Variants in LTF observed in about 807,000 individuals in gnomAD.
LTF encodes lactotransferrin.
LTF carries 91 observed loss-of-function variants against 87.2 expected under a neutral mutation model. That is an observed-to-expected ratio of 1.04 (90% confidence interval 0.88 to 1.24). LTF has a LOEUF of 1.24. Ranked by LOEUF, LTF falls within the 50% of genes most tolerant of loss-of-function variation. LTF has a pLI of 0.00. For missense variants in LTF, 901 were observed against 904.3 expected, an observed-to-expected ratio of 1.00 and a Z score of 0.05; for synonymous variants, 378 against 356.1, an observed-to-expected ratio of 1.06 and a Z score of -0.69.
intron 9 of LTF, 121 bp from the exon 10 acceptor site, chr3:46,447,519 G>T: frequency 1.3e-6 from 1 of 743,644 alleles, no homozygotes; most frequent in Non-Finnish European, 2.4e-6. Context: ...AGAAAGAGAT[G>T]GACTATTCAA....
At chr3:46,440,681 G>A (rs1202113965) in intron 14 of LTF, among the ~76,000 whole-genome samples, 5 of 152,242 alleles carry the variant, frequency 3.3e-5, no homozygotes, top group African/African-American at 1.2e-4. Flanking sequence ...AGGAGCAGAA[G>A]CAGAAGGGAG....
chr3:46,468,349 A>C (rs1703242087), upstream of LTF: 1 of 456,494 alleles, frequency 2.2e-6, no homozygotes, highest in Non-Finnish European at 4.4e-6. Context: ...AGGTTTCCAA[A>C]TGCTGAGACA....
intron 1 of LTF, among the ~76,000 whole-genome samples, chr3:46,472,488 T>TGTGTGTG (rs1703304601): frequency 1.9e-5 from 2 of 106,890 alleles, no homozygotes; most frequent in Non-Finnish European, 3.7e-5. Flanking sequence ...GAAAAGATTA[T>TGTGTGTG]TGTGTGTGTG....
intron 6 of LTF, among the ~76,000 whole-genome samples, chr3:46,451,009 G>C (rs1278349542): frequency 6.6e-6 from 1 of 152,184 alleles, no homozygotes; most frequent in Non-Finnish European, 1.5e-5. Context: ...GCAGAGACAA[G>C]CTCAGGGGGC....
upstream of LTF, among the ~76,000 whole-genome samples, chr3:46,466,169 G>C (rs1256536484): frequency 1.3e-5 from 2 of 152,032 alleles, no homozygotes; most frequent in Non-Finnish European, 1.5e-5. Flanking sequence ...GAGCCTGGGA[G>C]ATGAAGGTGG....
At chr3:46,453,572 G>C (rs1047732224) in intron 6 of LTF, among the ~76,000 whole-genome samples, 2 of 152,216 alleles carry the variant, frequency 1.3e-5, no homozygotes, top group Admixed American at 1.3e-4. Context: ...AGTGAATGTG[G>C]GTGTCTGTCA....
chr3:46,464,748 A>G, intron 1 of LTF, 77 bp downstream of exon 1: 1 of 1,539,932 alleles, frequency 6.5e-7, no homozygotes, highest in Non-Finnish European at 8.9e-7. Flanking sequence ...AACCGGACAC[A>G]GGGACCAAAG....
chr3:46,454,090 G>T, intron 6 of LTF: 1 of 570,918 alleles, frequency 1.8e-6, no homozygotes, highest in Non-Finnish European at 3.2e-6. Context: ...CTAGGCATGG[G>T]TGTCTATGAG....
At position 46,447,479 on chromosome 3, in the gene LTF, G is replaced by A. The variant is rs549593609; in HGVS notation, c.1213-81C>T. The A allele has an allele frequency of 9.9e-5, 98 of 991,614 alleles. No homozygotes were observed. The African/African-American group carries it at 1.3e-3, about 14-fold the overall frequency. 61.4% of individuals were successfully genotyped at this position (991,614 alleles called of 1,614,324 possible). ...TGTCTATATAGCTCTCTGAGAGAAT[G>A]GTTTTCTGTCAGGTGACCAGTGAAA... On this transcript the variant is annotated intron_variant, in intron 9 of 16. Coordinates refer to ENST00000231751, the MANE Select transcript of LTF (RefSeq NM_002343.6).
At chr3:46,441,176 A>AGTGTGTGTGT (rs35012752) in intron 14 of LTF, among the ~76,000 whole-genome samples, 3 of 144,978 alleles carry the variant, frequency 2.1e-5, no homozygotes, top group African/African-American at 7.4e-5. Flanking sequence ...TGTGAGAGTG[A>AGTGTGTGTGT]GTGTGTGTGT....
At chr3:46,477,897 T>G (rs1703380249) in intron 1 of LTF, among the ~76,000 whole-genome samples, 1 of 151,940 alleles carries the variant, frequency 6.6e-6, no homozygotes, top group African/African-American at 2.4e-5. Context: ...TCCAGTTGAG[T>G]CACAATCCAA....
In LTF at chr3:46,445,401, T is replaced by A. The variant is rs373847047; in HGVS notation, c.1393A>T (p.Thr465Ser). ...LAVAVVRRSDTSLTWNSVKGK... is the reference protein window; with the variant it reads ...LAVAVVRRSDSSLTWNSVKGK... Reference sequence around the variant, plus strand: ...TTCACAGAGTTCCAGGTAAGGCTAGTGTCTGATCTCCTAACCACCGCCACA... The same window carrying A: ...TTCACAGAGTTCCAGGTAAGGCTAGAGTCTGATCTCCTAACCACCGCCACA... Residue 465 changes from threonine (T) to serine (S), a missense_variant, in exon 12 of 17, where the codon ACT (threonine) becomes TCT (serine). Coordinates refer to ENST00000231751, the MANE Select transcript of LTF (RefSeq NM_002343.6). 18 of 1,613,638 alleles carry A rather than the reference T, an allele frequency of 1.1e-5. No homozygotes were observed. The highest frequency in any genetic ancestry group is 1.4e-5 in the Non-Finnish European group (17 of 1,179,836).
At chr3:46,445,031 G>A (rs1001529656) in intron 12 of LTF, among the ~76,000 whole-genome samples, 4 of 152,186 alleles carry the variant, frequency 2.6e-5, no homozygotes, top group South Asian at 4.1e-4. Context: ...AGGGTGCAGC[G>A]AAATAGGCAG....
At chr3:46,464,112 T>C (rs1350602505) in intron 1 of LTF, among the ~76,000 whole-genome samples, 2 of 152,140 alleles carry the variant, frequency 1.3e-5, no homozygotes, top group Non-Finnish European at 2.9e-5. Flanking sequence ...TGCAGGGAGC[T>C]CCGCACTCAC....
intron 12 of LTF, among the ~76,000 whole-genome samples, chr3:46,443,910 G>C (rs1702583880): frequency 6.6e-6 from 1 of 152,172 alleles, no homozygotes. Flanking sequence ...CCTGTGAGTT[G>C]CCTAGTCCAG....
intron 1 of LTF, among the ~76,000 whole-genome samples, chr3:46,475,840 C>G (rs1176505168): frequency 2.0e-5 from 3 of 152,338 alleles, no homozygotes; most frequent in African/African-American, 4.8e-5. Flanking sequence ...TGCCTCTGCT[C>G]AACCCCACAC....
In LTF at chr3:46,448,999, G is replaced by T; in HGVS notation, c.1076C>A (p.Ala359Asp). 6.2e-7 allele frequency: 1 copy of T among 1,609,002 alleles called. No homozygotes were observed. ...ACACCACACGACCCGCGCACGCCGG[G>T]CAGCCACTTCCTCCTCACCTGCCAG... ...NLRKSEEEVA[A>D]RRARVVWCAV... Residue 359 changes from alanine (A) to aspartate (D), a missense_variant, in exon 9 of 17, where the codon GCC becomes GAC. Physicochemically the swap from Ala to Asp is moderately radical, Grantham distance 126. Coordinates refer to ENST00000231751, the MANE Select transcript of LTF (RefSeq NM_002343.6).
At chr3:46,447,614 A>G (rs1559597194) in intron 9 of LTF, among the ~76,000 whole-genome samples, 1 of 152,336 alleles carries the variant, frequency 6.6e-6, no homozygotes, top group East Asian at 1.9e-4. Flanking sequence ...TCAACTGGAA[A>G]GACCAGGCAC....
chr3:46,459,812 A>G lies in LTF; in HGVS notation c.51T>C (p.Cys17=). The stretch of plus-strand genomic sequence containing the variant: ...GAACACTCCTCCTACGGCCAGCCAG[A>G]CACAGTCCTGGGAGAGAGGGGCCAA... ...VLLFLGALGL[C]LAGRRRSVQW... The change falls in exon 2 of 17, where the codon TGT becomes TGC. Residue 17 remains cysteine, a synonymous_variant. Coordinates refer to ENST00000231751, the MANE Select transcript of LTF (RefSeq NM_002343.6). 1 of 1,551,278 alleles carries G rather than the reference A, an allele frequency of 6.4e-7. No individual in the cohort carries two copies. Among genetic ancestry groups the G allele is most frequent in the Non-Finnish European group, 8.7e-7 (1 of 1,154,584 alleles).
Sources: gnomAD v4.1 joint callset for allele counts (sites outside exome capture counted in the v4.1 genomes callset) on GRCh38, gnomAD v4.1.1 for gene constraint, MANE v1.5 for transcripts, NCBI Gene and HGNC (gene_info 2026-07-23, HGNC 2026-07-21) for gene names.